GOLGA8B: variants seen among roughly 807,000 people sequenced by gnomAD.
The protein encoded by GOLGA8B is golgin subfamily A member 8B.
A neutral mutation model predicts 15.6 loss-of-function variants in GOLGA8B; 1 was observed. The ratio of observed to expected loss-of-function variants is 0.06; its 90% CI spans 0.02 to 0.30. GOLGA8B has a LOEUF of 0.30. GOLGA8B is among the 10% of genes least tolerant of loss of function. The pLI, the probability that GOLGA8B is intolerant of heterozygous loss-of-function variation, is 1.00. For synonymous variants in GOLGA8B, 9 were observed against 80.3 expected, an observed-to-expected ratio of 0.11 and a Z score of 4.75; for missense variants, 17 against 201.3, an observed-to-expected ratio of 0.08 and a Z score of 5.54.
chr15:34,580,365 G>T (rs1391041384), intron 1 of GOLGA8B, among the ~76,000 whole-genome samples: 1 of 152,196 alleles, frequency 6.6e-6, no homozygotes, highest in Non-Finnish European at 1.5e-5. Context: ...GCCACTGAAG[G>T]CCTGGGCAAT....
At chr15:34,559,581 T>G in intron 1 of GOLGA8B, among the ~76,000 whole-genome samples, 10 of 49,280 alleles carry the variant, frequency 2.0e-4, no homozygotes, top group East Asian at 5.5e-4. Context: ...GTGGTGAGAA[T>G]GGGGGAGAGA....
rs780443805 is a variant in GOLGA8B at position 34,557,644 on chromosome 15, A to ATGTGTGTGTGTGTG, written c.-1122-3702_-1122-3689dup. Among the ~76,000 whole-genome samples the ATGTGTGTGTGTGTG allele has an allele frequency of 3.8e-3, 287 of 76,114 alleles. 2 individuals are homozygous for ATGTGTGTGTGTGTG. Among genetic ancestry groups the ATGTGTGTGTGTGTG allele is most frequent in the African/African-American group, 0.012 (260 of 22,508 alleles). 49.9% of individuals were successfully genotyped at this position (76,114 alleles called of 152,430 possible). ...ATTTTTTTCTGAGAAGAATTCATGA[A>ATGTGTGTGTGTGTG]TGTGTGTGTGTGTGTGTGTGTGTGT... On this transcript the variant is annotated intron_variant, in intron 1 of 23. Coordinates refer to ENST00000683415, the MANE Select transcript of GOLGA8B (RefSeq NM_001023567.5).
chr15:34,569,356 TC>T (rs1403486098), intron 1 of GOLGA8B, among the ~76,000 whole-genome samples: 1 of 151,572 alleles, frequency 6.6e-6, no homozygotes, highest in Non-Finnish European at 1.5e-5. Flanking sequence ...CCCTCTCCTC[TC>T]CCTCTCCCCT....
chr15:34,574,770 C>T (rs978167592), intron 1 of GOLGA8B: 5 of 152,452 alleles, frequency 3.3e-5, no homozygotes, highest in African/African-American at 1.2e-4. Context: ...CACCTCCACA[C>T]CATGCTAGTG....
intron 1 of GOLGA8B, among the ~76,000 whole-genome samples, chr15:34,563,199 AG>A (rs111976831): frequency 0.018 from 1,990 of 112,382 alleles, 1 homozygote; most frequent in African/African-American, 0.038. Flanking sequence ...AAATGATGGC[AG>A]GAACTACTCC....
intron 1 of GOLGA8B, among the ~76,000 whole-genome samples, chr15:34,578,565 C>T (rs1482641339): frequency 2.0e-5 from 3 of 152,208 alleles, no homozygotes; most frequent in African/African-American, 7.2e-5. Flanking sequence ...TGCTCTTAGG[C>T]AACCCATAGC....
At chr15:34,572,849 G>A (rs1405946836) in intron 1 of GOLGA8B, among the ~76,000 whole-genome samples, 6 of 152,186 alleles carry the variant, frequency 3.9e-5, no homozygotes, top group African/African-American at 1.4e-4. Flanking sequence ...CGCCACCCCC[G>A]TTGATGGAGC....
rs149867056 is a variant in GOLGA8B at position 34,580,051 on chromosome 15, T to G, written c.-1123+3465A>C. Among the ~76,000 whole-genome samples the G allele has an allele frequency of 1.3e-3, 199 of 152,124 alleles. 2 individuals are homozygous for G. The highest frequency in any genetic ancestry group is 4.6e-3 in the African/African-American group (190 of 41,498). ...AGGTGAGGGGCTGGCCAGGTGGGCATCTGGGGGTGGCTGATGCCAAGGGGG... is the reference window on the plus strand; with the variant it reads ...AGGTGAGGGGCTGGCCAGGTGGGCAGCTGGGGGTGGCTGATGCCAAGGGGG... On this transcript the variant is annotated intron_variant, in intron 1 of 23. Transcript: ENST00000683415.
At chr15:34,564,355 T>TTAAA (rs530527773) in intron 1 of GOLGA8B, among the ~76,000 whole-genome samples, 3,640 of 105,656 alleles carry the variant, frequency 0.034, 1 homozygote, top group South Asian at 0.069. Context: ...TGTAGATTCT[T>TTAAA]AAAAAAAAAA....
intron 1 of GOLGA8B, chr15:34,556,602 A>G (rs1425479802): frequency 1.4e-6 from 2 of 1,434,898 alleles, no homozygotes; most frequent in African/African-American, 1.4e-5. Flanking sequence ...CACCAGCACC[A>G]GTGAGGCCAT....
At chr15:34,581,496 A>G (rs138152058) in intron 1 of GOLGA8B, 9 of 152,304 alleles carry the variant, frequency 5.9e-5, no homozygotes, top group East Asian at 5.8e-4. Flanking sequence ...TTCTTAGCTC[A>G]GTTGGCAAAC....
At chr15:34,568,224 G>A (rs1001364444) in intron 1 of GOLGA8B, among the ~76,000 whole-genome samples, 1 of 141,774 alleles carries the variant, frequency 7.1e-6, no homozygotes, top group African/African-American at 2.6e-5. Flanking sequence ...AGGACACCCC[G>A]ATTCTCAGAC....
rs1288066327 is a variant in GOLGA8B at position 34,526,439 on chromosome 15, T to C, written c.*1193A>G. 3.4e-5 allele frequency: 5 copies of C among 148,644 alleles called. 1 individual carries two copies. Among genetic ancestry groups the C allele is most frequent in the African/African-American group, 1.0e-4 (4 of 40,118 alleles). 9.2% of individuals were successfully genotyped at this position (148,644 alleles called of 1,614,324 possible). A position where few individuals can be genotyped will look rare whatever the true frequency, so the allele number is the denominator to read the frequency against. ...TCCTATGTCAGAGTAACCGAGGTGG[T>C]TGAAGAATAGGTATTAGCCAGAGAG... On this transcript the variant is annotated 3_prime_UTR_variant, in exon 24 of 24. Transcript: ENST00000683415.
At position 34,526,968 on chromosome 15, in the gene GOLGA8B, C is replaced by A. The variant is rs1014254971; in HGVS notation, c.*664G>T. The A allele has an allele frequency of 2.9e-4, 46 of 160,148 alleles. 1 individual carries two copies. The highest frequency in any genetic ancestry group is 4.6e-4 in the Non-Finnish European group (34 of 74,550). The allele number at this position is 160,148 out of a possible 1,614,324, so 9.9% of individuals were successfully genotyped here. The stretch of plus-strand genomic sequence containing the variant: ...GAAACACACTGTATCCTGCACATAC[C>A]TGCCAGAGCAGGCCACTTTCCTCTT... On this transcript the variant is annotated 3_prime_UTR_variant, in exon 24 of 24. Transcript: ENST00000683415.
At chr15:34,557,632 A>ATTTT in intron 1 of GOLGA8B, among the ~76,000 whole-genome samples, 1 of 65,308 alleles carries the variant, frequency 1.5e-5, no homozygotes. Context: ...TTTTTCTGAG[A>ATTTT]AGAATTCATG....
intron 1 of GOLGA8B, among the ~76,000 whole-genome samples, chr15:34,579,468 A>C (rs1222634048): frequency 6.6e-6 from 1 of 152,200 alleles, no homozygotes; most frequent in Non-Finnish European, 1.5e-5. Context: ...CGCAGCGCTG[A>C]CTTTGGCAGC....
chr15:34,527,492 T>TAC lies in GOLGA8B; in HGVS notation c.*139_*140insGT. The TAC allele has an allele frequency of 1.4e-6, 1 of 714,656 alleles. No homozygotes were observed. The highest frequency in any genetic ancestry group is 2.0e-5 in the African/African-American group (1 of 51,098). 44.3% of individuals were successfully genotyped at this position (714,656 alleles called of 1,614,324 possible). A position where few individuals can be genotyped will look rare whatever the true frequency, so the allele number is the denominator to read the frequency against. On this transcript the variant is annotated 3_prime_UTR_variant, in exon 24 of 24. Coordinates refer to ENST00000683415, the MANE Select transcript of GOLGA8B (RefSeq NM_001023567.5). ...TCTTTTAACTTTTTACAAATAAACTTAAACTATAAATTAGAAACACAAATA... is the reference window on the plus strand; with the variant it reads ...TCTTTTAACTTTTTACAAATAAACTTACAAACTATAAATTAGAAACACAAATA...
chr15:34,571,411 T>C (rs1185805533), intron 1 of GOLGA8B, among the ~76,000 whole-genome samples: 1 of 151,786 alleles, frequency 6.6e-6, no homozygotes, highest in East Asian at 1.9e-4. Context: ...GAAGAGGTAA[T>C]GGCCCTTTAA....
chr15:34,572,257 T>C (rs1365734649), intron 1 of GOLGA8B, among the ~76,000 whole-genome samples: 1 of 152,178 alleles, frequency 6.6e-6, no homozygotes, highest in Non-Finnish European at 1.5e-5. Context: ...AATTTGGCAA[T>C]ATCTGTTGAC....
Sources: allele counts gnomAD v4.1 joint callset (sites outside exome capture counted in the v4.1 genomes callset), GRCh38; gene constraint gnomAD v4.1.1; transcripts MANE v1.5; gene names NCBI Gene and HGNC (gene_info 2026-07-23, HGNC 2026-07-21).